DAB2IP: variants seen among roughly 807,000 people sequenced by gnomAD.
DAB2IP encodes the protein disabled homolog 2-interacting protein.
DAB2IP carries 28 observed loss-of-function variants against 107.2 expected under a neutral mutation model. That is an observed-to-expected ratio of 0.26 (90% CI 0.19 to 0.36). The LOEUF (loss-of-function observed/expected upper bound fraction) is 0.36. DAB2IP is among the 10% of genes least tolerant of loss of function. The probability of loss-of-function intolerance (pLI) is 1.00; values close to 1 mark genes in which losing one functional copy is unlikely to be tolerated. For missense variants in DAB2IP, 1,400 were observed against 1,644.7 expected (o/e 0.85, Z 2.57); for synonymous variants, 755 against 706.4 (o/e 1.07, Z -1.09).
intron 1 of DAB2IP, among the ~76,000 whole-genome samples, chr9:121,644,634 G>C (rs1832477200): frequency 1.3e-5 from 2 of 151,998 alleles, no homozygotes. Flanking sequence ...GAGAGAAAGA[G>C]AGAAAAGAAA....
intron 1 of DAB2IP, among the ~76,000 whole-genome samples, chr9:121,578,685 A>G (rs988721100): frequency 8.3e-6 from 1 of 120,240 alleles, no homozygotes; most frequent in African/African-American, 3.3e-5. Flanking sequence ...AGTCTCTCCC[A>G]TCCCATCCTC....
chr9:121,755,923 G>C (rs986356652), intron 3 of DAB2IP, among the ~76,000 whole-genome samples: 1 of 152,178 alleles, frequency 6.6e-6, no homozygotes, highest in Non-Finnish European at 1.5e-5. Context: ...GATGGACTGA[G>C]CACTTGGACC....
At chr9:121,781,722 C>T (rs1835669995) in intron 15 of DAB2IP, among the ~76,000 whole-genome samples, 171 bp downstream of exon 15, 1 of 152,116 alleles carries the variant, frequency 6.6e-6, no homozygotes, top group African/African-American at 2.4e-5. Flanking sequence ...CACAAGCTCA[C>T]TAGGACAGGC....
intron 1 of DAB2IP, among the ~76,000 whole-genome samples, chr9:121,639,069 A>C (rs1055805884): frequency 3.9e-5 from 6 of 152,224 alleles, no homozygotes; most frequent in Non-Finnish European, 7.3e-5. Context: ...CTAGGACTAG[A>C]GTCAAGGCTG....
chr9:121,695,948 A>C (rs1352038828), intron 2 of DAB2IP, among the ~76,000 whole-genome samples: 1 of 152,130 alleles, frequency 6.6e-6, no homozygotes, highest in African/African-American at 2.4e-5. Context: ...GGCTCACTGC[A>C]GCCTCCACCT....
chr9:121,666,833 T>A (rs1481070774), intron 1 of DAB2IP, among the ~76,000 whole-genome samples: 3 of 151,106 alleles, frequency 2.0e-5, no homozygotes, highest in Non-Finnish European at 4.4e-5. Context: ...TTTAGCAAAC[T>A]CTTTATTTGG....
At position 121,760,112 on chromosome 9, in the gene DAB2IP, G is replaced by C; in HGVS notation, c.843G>C (p.Lys281Asn). The C allele has an allele frequency of 6.2e-7, 1 of 1,613,136 alleles. No homozygotes were observed. ...TCCACCTGTACCGGGAGACCGACAA[G>C]AAGAAGAAGAAGGAGCGCAACAGTT... Residue 281 changes from lysine (K) to asparagine (N), a missense_variant, in exon 6 of 16, where the codon AAG becomes AAC. By Grantham distance (94) the Lys-to-Asn change is moderately conservative. Around this residue, in one of 3 missense-constraint regions of DAB2IP, gnomAD observed 517 missense variants for 748.6 expected, o/e 0.69. Transcript: ENST00000408936. The surrounding 1 kb of genome is among the most constrained non-coding windows in gnomAD (Gnocchi z 5.9).
intron 1 of DAB2IP, among the ~76,000 whole-genome samples, chr9:121,623,048 T>C (rs1831527122): frequency 6.6e-6 from 1 of 152,194 alleles, no homozygotes; most frequent in Non-Finnish European, 1.5e-5. Context: ...GTCTGAGCCT[T>C]GCGCCATCTC....
chr9:121,697,373 T>TTGACCACAACCC (rs1363054058), intron 2 of DAB2IP, among the ~76,000 whole-genome samples: 1 of 152,226 alleles, frequency 6.6e-6, no homozygotes, highest in Non-Finnish European at 1.5e-5. Flanking sequence ...GATAACTTGC[T>TTGACCACAACCC]TGACCACAAC....
Position 121,699,588 on chromosome 9 carries a change from C to T in DAB2IP, c.362+130C>T. The T allele has an allele frequency of 5.8e-6, 5 of 859,284 alleles. No homozygotes were observed. The highest frequency in any genetic ancestry group is 7.3e-6 in the Non-Finnish European group (5 of 680,772). The allele number at this position is 859,284 out of a possible 1,614,324, so 53.2% of individuals were successfully genotyped here. ...GGTGGGGGGACCCCACGCCGCCCGCCGGGAACTTATGGGGCCACCTCGGCC... is the reference window on the plus strand; with the variant it reads ...GGTGGGGGGACCCCACGCCGCCCGCTGGGAACTTATGGGGCCACCTCGGCC... On this transcript the variant is annotated intron_variant, in intron 3 of 15. Transcript: ENST00000408936. The surrounding 1 kb of genome is among the most constrained non-coding windows in gnomAD (Gnocchi z 6.2).
At chr9:121,650,354 T>TC (rs560382329), upstream of DAB2IP, among the ~76,000 whole-genome samples, 3 of 152,180 alleles carry the variant, frequency 2.0e-5, no homozygotes, top group Non-Finnish European at 1.5e-5. Flanking sequence ...CTAGGGACCC[T>TC]CCCCGCTGGC....
chr9:121,776,666 C>T lies in DAB2IP; in HGVS notation c.3314+275C>T, dbSNP rs1008676296. Among the ~76,000 whole-genome samples the T allele has an allele frequency of 2.6e-5, 4 of 152,180 alleles. No individual in the cohort carries two copies. Among genetic ancestry groups the T allele is most frequent in the Non-Finnish European group, 5.9e-5 (4 of 68,034 alleles). On this transcript the variant is annotated intron_variant, in intron 14 of 15. Coordinates refer to ENST00000408936, the Ensembl canonical transcript of DAB2IP. This position sits in a 1 kb window ranked among gnomAD's most constrained non-coding sequence, Gnocchi z 5.4. ...ACGGGCCTGAGCCTCTACAAGGAGC[C>T]ATACCATCTTAGTAAGCACTCTCAG...
At chr9:121,685,727 A>G (rs1328726330) in intron 2 of DAB2IP, among the ~76,000 whole-genome samples, 1 of 152,266 alleles carries the variant, frequency 6.6e-6, no homozygotes, top group African/African-American at 2.4e-5. Context: ...GTCATTGAGG[A>G]TACAAAGAGG....
At chr9:121,587,193 C>T (rs552640702) in intron 1 of DAB2IP, among the ~76,000 whole-genome samples, 191 of 152,270 alleles carry the variant, frequency 1.3e-3, no homozygotes, top group Non-Finnish European at 2.6e-3. Flanking sequence ...TTCCATCCAC[C>T]CACAGGGAAT....
chr9:121,729,737 G>A (rs1349795707), intron 3 of DAB2IP, among the ~76,000 whole-genome samples: 5 of 152,174 alleles, frequency 3.3e-5, no homozygotes, highest in Non-Finnish European at 5.9e-5. Flanking sequence ...CGATGGGGTG[G>A]AAAGTTTTTG....
rs979870229 is a variant in DAB2IP at position 121,783,777 on chromosome 9, C to T, written c.*1279C>T. 42 of 610,056 alleles carry T rather than the reference C, an allele frequency of 6.9e-5. No homozygotes were observed. In the Middle Eastern group the frequency reaches 1.3e-3, roughly 19 times the overall value. 37.8% of individuals were successfully genotyped at this position (610,056 alleles called of 1,614,324 possible). On this transcript the variant is annotated 3_prime_UTR_variant, in exon 16 of 16. Coordinates refer to ENST00000408936, the Ensembl canonical transcript of DAB2IP. ...GAGGGGCGCACCCCACAGCTGGGGC[C>T]GGTTTTCCTCAGCTCTAGGCTGTTC... is the stretch of plus-strand genomic sequence containing the variant.
At chr9:121,749,765 G>A (rs1832974799) in intron 3 of DAB2IP, among the ~76,000 whole-genome samples, 1 of 152,220 alleles carries the variant, frequency 6.6e-6, no homozygotes, top group African/African-American at 2.4e-5. Flanking sequence ...GGGCAGATAT[G>A]ATTGATCCCC....
At chr9:121,725,522 T>C (rs1470086572) in intron 3 of DAB2IP, among the ~76,000 whole-genome samples, 2 of 152,234 alleles carry the variant, frequency 1.3e-5, no homozygotes, top group Non-Finnish European at 2.9e-5. Context: ...TACGCTCTGC[T>C]GTGGGCAGGG....
At chr9:121,719,731 T>C (rs751343224) in intron 3 of DAB2IP, among the ~76,000 whole-genome samples, 7 of 152,196 alleles carry the variant, frequency 4.6e-5, no homozygotes, top group Admixed American at 2.6e-4. Flanking sequence ...GAGGTGTGCT[T>C]GTTTTAGAGA....
Sources: allele counts gnomAD v4.1 joint callset (sites outside exome capture counted in the v4.1 genomes callset), GRCh38; gene constraint gnomAD v4.1.1; regional missense constraint gnomAD v4.1.1; non-coding constraint Gnocchi (gnomAD v3.1); transcripts MANE v1.5; gene names NCBI Gene and HGNC (gene_info 2026-07-23, HGNC 2026-07-21).